The following IQCH variants were observed in gnomAD, a reference collection of about 807,000 sequenced individuals.
The protein encoded by IQCH is IQ domain-containing protein H.
In IQCH, 98 loss-of-function variants were observed where a neutral mutation model predicts 117.0. The ratio of observed to expected loss-of-function variants is 0.84; its 90% CI spans 0.71 to 0.99. The LOEUF (loss-of-function observed/expected upper bound fraction) is 0.99, where lower values mean the gene tolerates loss of function less well. Ranked by LOEUF, IQCH falls within the 50% of genes least tolerant of loss-of-function variation. The pLI, the probability that IQCH is intolerant of heterozygous loss-of-function variation, is 0.00. For missense variants in IQCH, 1,102 were observed against 1,243.8 expected, an observed-to-expected ratio of 0.89 and a Z score of 1.72; for synonymous variants, 412 against 448.2, an observed-to-expected ratio of 0.92 and a Z score of 1.02.
chr15:67,319,935 A>G (rs994122756), intron 4 of IQCH, among the ~76,000 whole-genome samples: 3 of 152,258 alleles, frequency 2.0e-5, no homozygotes, highest in African/African-American at 4.8e-5. Flanking sequence ...AATTGGCTTC[A>G]TTACTAAATG....
At chr15:67,259,247 C>CT (rs1464691275) in intron 1 of IQCH, among the ~76,000 whole-genome samples, 3 of 152,134 alleles carry the variant, frequency 2.0e-5, no homozygotes, top group Non-Finnish European at 2.9e-5. Context: ...CACTAAGCCT[C>CT]TAAGAGGCTA....
rs904508834 is a variant in IQCH, at chr15:67,494,870, G to A, written c.2970+504G>A. On this transcript the variant is annotated intron_variant, in intron 20 of 20. Coordinates refer to ENST00000335894, the MANE Select transcript of IQCH (RefSeq NM_001031715.3). The surrounding 1 kb of genome is among the most constrained non-coding windows in gnomAD (Gnocchi z 5.5). ...CTACCCCACCCGTTTCTCCACCGTG[G>A]GTTGGATTATTTCACTACTAACCTT... Among the ~76,000 whole-genome samples, 3 of 152,142 alleles carry A rather than the reference G, an allele frequency of 2.0e-5. No individual in the cohort carries two copies. Among genetic ancestry groups the A allele is most frequent in the Non-Finnish European group, 4.4e-5 (3 of 68,028 alleles).
At position 67,432,528 on chromosome 15, in the gene IQCH, G is replaced by GT. The variant is rs1213579373; in HGVS notation, c.2505+10952dup. On this transcript the variant is annotated intron_variant, in intron 16 of 20. Coordinates refer to ENST00000335894, the MANE Select transcript of IQCH (RefSeq NM_001031715.3). This position sits in a 1 kb window ranked among gnomAD's most constrained non-coding sequence, Gnocchi z 5.0. The stretch of plus-strand genomic sequence containing the variant: ...GTAAATTCCTGCCCTCTTCCTCACA[G>GT]TATGTTCTGAGAGGCTAAGCAGATA... Among the ~76,000 whole-genome samples the GT allele has an allele frequency of 6.6e-6, 1 of 152,148 alleles. No homozygotes were observed. The highest frequency in any genetic ancestry group is 1.5e-5 in the Non-Finnish European group (1 of 68,032).
rs1237847418 is a variant in IQCH, at chr15:67,427,937, TTG to T, written c.2505+6363_2505+6364del. Among the ~76,000 whole-genome samples, 3 of 152,130 alleles carry T rather than the reference TTG, an allele frequency of 2.0e-5. No homozygotes were observed. Among genetic ancestry groups the T allele is most frequent in the African/African-American group, 7.2e-5 (3 of 41,426 alleles). On this transcript the variant is annotated intron_variant, in intron 16 of 20. Transcript: ENST00000335894. The surrounding 1 kb of genome is among the most constrained non-coding windows in gnomAD (Gnocchi z 4.7). ...TTTGCCTCCCAGGCTCAAGTGATTC[TTG>T]TGCCTTAGCCTCCTGAGTAGCTGGG...
intron 4 of IQCH, among the ~76,000 whole-genome samples, chr15:67,329,105 C>G (rs1968542537): frequency 6.6e-6 from 1 of 151,980 alleles, no homozygotes; most frequent in African/African-American, 2.4e-5. Flanking sequence ...TTAAGACTAG[C>G]CTGGACACCA....
rs1971194677 is a variant in IQCH, at chr15:67,388,979, C to T, written c.1605C>T (p.Ile535=). ...ACCTGCAGGACAGGTTCAAAATTATCACACCTGAAGCTGTAAACATCTTCC... is the reference window on the plus strand; with the variant it reads ...ACCTGCAGGACAGGTTCAAAATTATTACACCTGAAGCTGTAAACATCTTCC... ...RSDLQDRFKI[I]TPEAVNIFPK... Residue 535 remains isoleucine, a synonymous_variant, in exon 12 of 21, where the codon ATC becomes ATT. Coordinates refer to ENST00000335894, the MANE Select transcript of IQCH (RefSeq NM_001031715.3). This position sits in a 1 kb window ranked among gnomAD's most constrained non-coding sequence, Gnocchi z 5.5. 2 of 1,613,776 alleles carry T rather than the reference C, an allele frequency of 1.2e-6. No individual in the cohort carries two copies. The highest frequency in any genetic ancestry group is 2.7e-5 in the African/African-American group (2 of 74,930).
At chr15:67,498,959 C>G (rs1009685011) in intron 20 of IQCH, among the ~76,000 whole-genome samples, 6 of 151,842 alleles carry the variant, frequency 4.0e-5, no homozygotes, top group African/African-American at 1.5e-4. Flanking sequence ...GACAAATAAC[C>G]CAATTTTAAA....
At chr15:67,392,013 C>T (rs868473954) in intron 12 of IQCH, among the ~76,000 whole-genome samples, 2 of 152,176 alleles carry the variant, frequency 1.3e-5, no homozygotes, top group Non-Finnish European at 1.5e-5. Context: ...ACTACTCACT[C>T]GATAAAATGG....
At chr15:67,410,336 A>G (rs1211526497) in intron 14 of IQCH, among the ~76,000 whole-genome samples, 1 of 152,250 alleles carries the variant, frequency 6.6e-6, no homozygotes, top group Non-Finnish European at 1.5e-5. Context: ...CTGGCTTCAG[A>G]CAAGGCTCAA....
chr15:67,374,451 G>T (rs947248761), intron 10 of IQCH, among the ~76,000 whole-genome samples: 9 of 151,908 alleles, frequency 5.9e-5, no homozygotes, highest in African/African-American at 2.2e-4. Context: ...ATGTAGTGTA[G>T]AAACATAACA....
intron 4 of IQCH, among the ~76,000 whole-genome samples, chr15:67,307,791 C>T (rs1050587006): frequency 5.3e-5 from 8 of 152,234 alleles, no homozygotes; most frequent in Admixed American, 4.6e-4. Flanking sequence ...TGACTGTAGT[C>T]AGCATCCTTT....
chr15:67,367,667 A>T (rs897988902), intron 8 of IQCH, among the ~76,000 whole-genome samples: 23 of 152,270 alleles, frequency 1.5e-4, no homozygotes, highest in African/African-American at 5.3e-4. Flanking sequence ...GTAAGGAGCC[A>T]TATGGAGAGT....
At chr15:67,306,688 T>C in intron 4 of IQCH, 1 of 696,216 alleles carries the variant, frequency 1.4e-6, no homozygotes, top group South Asian at 1.7e-5. Context: ...AAAACTATCT[T>C]CAGAATTTTA....
Position 67,403,575 on chromosome 15 carries a change from C to T in IQCH, c.2097+3270C>T, listed in dbSNP as rs1253872247. 11 of 152,254 alleles carry T rather than the reference C, an allele frequency of 7.2e-5. No homozygotes were observed. The South Asian group carries it at 1.0e-3, about 14-fold the overall frequency. The allele number at this position is 152,254 out of a possible 1,614,324, so 9.4% of individuals were successfully genotyped here. On this transcript the variant is annotated intron_variant, in intron 14 of 20. Transcript: ENST00000335894. The surrounding 1 kb of genome is among the most constrained non-coding windows in gnomAD (Gnocchi z 4.8). ...AACTCATTCACTTAAGTACTCTGCT[C>T]GTTAAGTTTTAATGAATCCACACTC...
Position 67,372,330 on chromosome 15 carries a change from G to T in IQCH, c.973G>T (p.Val325Leu), listed in dbSNP as rs753791695. 5.0e-6 allele frequency: 8 copies of T among 1,613,994 alleles called. No individual in the cohort carries two copies. Among genetic ancestry groups the T allele is most frequent in the Non-Finnish European group, 5.1e-6 (6 of 1,179,986 alleles). Residue 325 changes from valine to leucine, a missense_variant, in exon 9 of 21, where the codon GTG becomes TTG. Physicochemically the swap from Val to Leu is conservative, Grantham distance 32. Around this residue, in one of 2 missense-constraint regions of IQCH, gnomAD observed 452 missense variants for 449.6 expected, o/e 1.01. Coordinates refer to ENST00000335894, the MANE Select transcript of IQCH (RefSeq NM_001031715.3). ...PEVKIKGNNL[V>L]ALLPEFELTN... ...AGTCAAAATAAAAGGGAATAATTTG[G>T]TGGCCCTCCTTCCAGAGTTTGAGCT...
intron 4 of IQCH, among the ~76,000 whole-genome samples, chr15:67,294,872 A>G (rs1433809451): frequency 6.6e-6 from 1 of 152,158 alleles, no homozygotes; most frequent in African/African-American, 2.4e-5. Flanking sequence ...CCCCTCCATC[A>G]TGCCTGGGAG....
At chr15:67,377,754 C>A (rs1283539425) in intron 10 of IQCH, among the ~76,000 whole-genome samples, 3 of 152,188 alleles carry the variant, frequency 2.0e-5, no homozygotes, top group Non-Finnish European at 4.4e-5. Flanking sequence ...ACTTCTCCTC[C>A]TCCTTTAAAG....
At chr15:67,434,785 C>CTTTTT (rs775675138) in intron 16 of IQCH, among the ~76,000 whole-genome samples, 83 of 126,774 alleles carry the variant, frequency 6.5e-4, no homozygotes, top group South Asian at 1.3e-3. Flanking sequence ...CTTTTCTTTT[C>CTTTTT]TTTTTTTTTT....
intron 4 of IQCH, among the ~76,000 whole-genome samples, chr15:67,298,621 G>A (rs373500405): frequency 2.6e-5 from 4 of 151,846 alleles, no homozygotes; most frequent in East Asian, 2.0e-4. Flanking sequence ...ATTCCAGCAC[G>A]TTGGGAGGCC....
Sources: gnomAD v4.1 joint callset for allele counts (sites outside exome capture counted in the v4.1 genomes callset) on GRCh38, gnomAD v4.1.1 for gene constraint, gnomAD v4.1.1 regional missense constraint, Gnocchi (gnomAD v3.1) non-coding constraint, MANE v1.5 for transcripts, NCBI Gene and HGNC (gene_info 2026-07-23, HGNC 2026-07-21) for gene names.